Variants in THRB observed in about 807,000 individuals in gnomAD.
The protein encoded by THRB is nuclear receptor subfamily 1 group A member 2.
A neutral mutation model predicts 47.8 loss-of-function variants in THRB; 12 were observed. That is an observed-to-expected ratio of 0.25 (90% confidence interval 0.16 to 0.41). THRB has a LOEUF of 0.41. Ranked by LOEUF, THRB falls within the 10% of genes least tolerant of loss-of-function variation. THRB has a pLI of 1.00. For missense variants in THRB, 348 were observed against 589.2 expected (o/e 0.59, Z 4.24); for synonymous variants, 218 against 212.2 (o/e 1.03, Z -0.24).
intron 9 of THRB, among the ~76,000 whole-genome samples, chr3:24,129,708 G>A (rs796489201): frequency 2.0e-5 from 3 of 152,330 alleles, no homozygotes; most frequent in South Asian, 4.1e-4. Flanking sequence ...CACTCAACAA[G>A]GGCCTGACAG....
chr3:24,336,971 C>T (rs545135120), intron 2 of THRB, among the ~76,000 whole-genome samples: 1 of 152,180 alleles, frequency 6.6e-6, no homozygotes, highest in South Asian at 2.1e-4. Flanking sequence ...ATCCGCCTGC[C>T]TTTTTAGCAC....
intron 2 of THRB, among the ~76,000 whole-genome samples, chr3:24,320,755 C>T (rs915659107): frequency 2.0e-5 from 3 of 152,120 alleles, no homozygotes; most frequent in Non-Finnish European, 4.4e-5. Flanking sequence ...AATTTCCAGT[C>T]CCTCAAGAAG....
chr3:24,189,711 C>T (rs1433612577), intron 5 of THRB, among the ~76,000 whole-genome samples: 1 of 152,158 alleles, frequency 6.6e-6, no homozygotes, highest in East Asian at 1.9e-4. Context: ...TGTACACATG[C>T]ACAGACACAC....
At chr3:24,274,060 AACATTAT>A (rs1436255209) in intron 3 of THRB, among the ~76,000 whole-genome samples, 2 of 151,922 alleles carry the variant, frequency 1.3e-5, no homozygotes, top group African/African-American at 4.8e-5. Flanking sequence ...TTTTTTTCTT[AACATTAT>A]GCTCACCTGT....
chr3:24,479,479 G>A (rs1320567447), intron 1 of THRB, among the ~76,000 whole-genome samples: 1 of 152,196 alleles, frequency 6.6e-6, no homozygotes, highest in East Asian at 1.9e-4. Flanking sequence ...TATTAGGAGA[G>A]AGAGCATGCA....
chr3:24,276,385 T>G (rs907059083), intron 3 of THRB, among the ~76,000 whole-genome samples: 6 of 152,218 alleles, frequency 3.9e-5, no homozygotes, highest in Admixed American at 6.5e-5. Context: ...TTTTCAATAG[T>G]GCAGTGATTA....
At chr3:24,261,509 A>C (rs963508069) in intron 3 of THRB, among the ~76,000 whole-genome samples, 2 of 150,316 alleles carry the variant, frequency 1.3e-5, no homozygotes, top group African/African-American at 5.0e-5. Flanking sequence ...AAAAAAAAAA[A>C]AAAAAAAAAC....
At chr3:24,311,984 T>C (rs2057790413) in intron 2 of THRB, among the ~76,000 whole-genome samples, 1 of 152,238 alleles carries the variant, frequency 6.6e-6, no homozygotes, top group South Asian at 2.1e-4. Flanking sequence ...ACTTCCTCCA[T>C]CTTGCCACTG....
rs905532210 is a variant in THRB, at chr3:24,270,051, A to G, written c.-43+27175T>C. Among the ~76,000 whole-genome samples, 3 of 152,142 alleles carry G rather than the reference A, an allele frequency of 2.0e-5. No individual in the cohort carries two copies. The East Asian group carries it at 5.8e-4, about 29-fold the overall frequency. ...AGTGTTTACTCAGATTGGGAAATAA[A>G]CTTTTTTTAATGTGGTCACACTGAT... is the stretch of plus-strand genomic sequence containing the variant. On this transcript the variant is annotated intron_variant, in intron 3 of 10. Coordinates refer to ENST00000646209, the MANE Select transcript of THRB (RefSeq NM_001354712.2).
At chr3:24,296,423 C>T (rs9830674) in intron 3 of THRB, among the ~76,000 whole-genome samples, 49,596 of 152,116 alleles carry the variant, frequency 0.33, 9,614 homozygotes, top group African/African-American at 0.55. Context: ...ATTGTTAGGA[C>T]GGGCAATTCT....
intron 1 of THRB, among the ~76,000 whole-genome samples, chr3:24,357,381 A>G (rs2063760643): frequency 6.8e-6 from 1 of 147,900 alleles, no homozygotes; most frequent in South Asian, 2.1e-4. Context: ...AAAACAAAAA[A>G]CAAACAAACA....
intron 8 of THRB, among the ~76,000 whole-genome samples, chr3:24,137,443 T>C (rs1449173071): frequency 6.6e-6 from 1 of 152,150 alleles, no homozygotes; most frequent in Non-Finnish European, 1.5e-5. Flanking sequence ...GACATGATAA[T>C]ACATGGGGAG....
intron 1 of THRB, among the ~76,000 whole-genome samples, chr3:24,424,934 C>T (rs772893563): frequency 6.6e-6 from 1 of 151,872 alleles, no homozygotes; most frequent in South Asian, 2.1e-4. Context: ...TCACACACTG[C>T]ATCTTTTACA....
intron 1 of THRB, among the ~76,000 whole-genome samples, chr3:24,421,025 A>C (rs2069210171): frequency 6.6e-6 from 1 of 152,024 alleles, no homozygotes; most frequent in Non-Finnish European, 1.5e-5. Flanking sequence ...GCCATAAAAA[A>C]GAATGAGGTC....
intron 1 of THRB, among the ~76,000 whole-genome samples, chr3:24,401,232 C>T (rs1006754410): frequency 2.6e-5 from 4 of 152,034 alleles, no homozygotes; most frequent in Admixed American, 2.0e-4. Flanking sequence ...CTTTTGATAA[C>T]ATGTGAGGCT....
At chr3:24,366,558 C>T (rs867138672) in intron 1 of THRB, among the ~76,000 whole-genome samples, 3 of 151,850 alleles carry the variant, frequency 2.0e-5, no homozygotes. Flanking sequence ...ATCTGAACTG[C>T]TATTCATCAG....
intron 2 of THRB, among the ~76,000 whole-genome samples, chr3:24,325,678 G>A (rs1055075258): frequency 2.0e-5 from 3 of 152,010 alleles, no homozygotes; most frequent in Non-Finnish European, 2.9e-5. Flanking sequence ...CAGAGTGAGA[G>A]ACTCTGTCTA....
chr3:24,301,611 T>A (rs369936466), intron 2 of THRB, among the ~76,000 whole-genome samples: 1 of 152,208 alleles, frequency 6.6e-6, no homozygotes, highest in East Asian at 1.9e-4. Context: ...GTATTGATTA[T>A]AAACATTTCC....
intron 3 of THRB, among the ~76,000 whole-genome samples, chr3:24,259,457 G>T (rs958472965): frequency 1.3e-5 from 2 of 152,144 alleles, no homozygotes; most frequent in African/African-American, 4.8e-5. Flanking sequence ...CAGTGTATGT[G>T]TATGCTGCTT....
Sources: allele counts gnomAD v4.1 joint callset (sites outside exome capture counted in the v4.1 genomes callset), GRCh38; gene constraint gnomAD v4.1.1; transcripts MANE v1.5; gene names NCBI Gene and HGNC (gene_info 2026-07-23, HGNC 2026-07-21).